LRP3: variants seen among roughly 807,000 people sequenced by gnomAD.
LRP3 encodes the protein LDL receptor related protein 3.
Under a neutral mutation model 58.5 loss-of-function variants are expected in LRP3, and 49 were observed. The observed-to-expected ratio is 0.84, with a 90% CI of 0.67 to 1.06. The LOEUF (loss-of-function observed/expected upper bound fraction) is 1.06. LRP3 is among the 50% of genes least tolerant of loss of function. LRP3 has a pLI of 0.00. For synonymous variants in LRP3, 485 were observed against 492.2 expected, an observed-to-expected ratio of 0.99 and a Z score of 0.20; for missense variants, 1,019 against 1,134.2, an observed-to-expected ratio of 0.90 and a Z score of 1.46.
At position 33,194,800 on chromosome 19, in the gene LRP3, G is replaced by A; in HGVS notation, c.15G>A (p.Ala5=). The A allele has an allele frequency of 9.6e-7, 1 of 1,044,826 alleles. No homozygotes were observed. The highest frequency in any genetic ancestry group is 1.1e-6 in the Non-Finnish European group (1 of 869,796). The allele number at this position is 1,044,826 out of a possible 1,614,324, so 64.7% of individuals were successfully genotyped here. MEKR[A]AAGLEGAPGA... ...CCGGGCCCGGCATGGAGAAGCGCGC[G>A]GCCGCGGGGCTGGAGGGCGCGCCGG... The change falls in exon 1 of 7, where the codon GCG becomes GCA. Residue 5 remains alanine (A), a synonymous_variant. Coordinates refer to ENST00000253193, the MANE Select transcript of LRP3 (RefSeq NM_002333.4).
intron 5 of LRP3, 92 bp downstream of exon 5, chr19:33,206,454 A>G: frequency 6.3e-7 from 1 of 1,594,846 alleles, no homozygotes; most frequent in Non-Finnish European, 8.5e-7. Context: ...GGGGGCCTGG[A>G]CTAGCTACAT....
chr19:33,205,777 T>C lies in LRP3; in HGVS notation c.1007T>C (p.Leu336Pro). ...SYRSNHRPVS[L>P]EAAQGRLTVA... The stretch of plus-strand genomic sequence containing the variant: ...CGCAGCAACCACCGGCCCGTGAGCC[T>C]GGAGGCCGCCCAGGGCCGCCTCACT... Residue 336 changes from leucine (L) to proline (P), a missense_variant, in exon 5 of 7, where the codon CTG (leucine) becomes CCG (proline). Leu to Pro is a moderately conservative substitution (Grantham distance 98, BLOSUM62 -3). Coordinates refer to ENST00000253193, the MANE Select transcript of LRP3 (RefSeq NM_002333.4). The C allele has an allele frequency of 6.3e-7, 1 of 1,588,268 alleles. No homozygotes were observed. Among genetic ancestry groups the C allele is most frequent in the Non-Finnish European group, 8.5e-7 (1 of 1,170,804 alleles).
At position 33,196,779 on chromosome 19, in the gene LRP3, T is replaced by G; in HGVS notation, c.121+2T>G. On this transcript the variant is annotated splice_donor_variant, in intron 2 of 6. Coordinates refer to ENST00000253193, the MANE Select transcript of LRP3 (RefSeq NM_002333.4). LOFTEE classifies it high-confidence loss of function. ...TCAGCAGTGCGGTTCCTGCCTTAGGTAAGTAAGCACTTTCTCTCCTTCCTC... is the reference window on the plus strand; with the variant it reads ...TCAGCAGTGCGGTTCCTGCCTTAGGGAAGTAAGCACTTTCTCTCCTTCCTC... The G allele has an allele frequency of 1.2e-6, 2 of 1,614,054 alleles. No homozygotes were observed. Among genetic ancestry groups the G allele is most frequent in the Non-Finnish European group, 1.7e-6 (2 of 1,179,876 alleles).
intron 2 of LRP3, among the ~76,000 whole-genome samples, chr19:33,198,159 G>A (rs1259927765): frequency 1.3e-5 from 2 of 152,184 alleles, no homozygotes; most frequent in Admixed American, 6.5e-5. Context: ...CCTCCTGCTG[G>A]TGGGTGTGTC....
intron 2 of LRP3, among the ~76,000 whole-genome samples, chr19:33,202,181 T>G (rs562848518): frequency 6.6e-6 from 1 of 152,302 alleles, no homozygotes; most frequent in South Asian, 2.1e-4. Context: ...AAACTCAAAT[T>G]CTGCACAAGG....
At position 33,202,996 on chromosome 19, in the gene LRP3, C is replaced by T. The variant is rs1974357711; in HGVS notation, c.260+10C>T. 1.2e-6 allele frequency: 2 copies of T among 1,611,824 alleles called. No homozygotes were observed. Among genetic ancestry groups the T allele is most frequent in the East Asian group, 2.2e-5 (1 of 44,818 alleles). ...ACATGATTACCATCAGGTAGGGGCA[C>T]CCGGGGGTGTCGGAAGGAATCAATG... On this transcript the variant is annotated intron_variant, in intron 3 of 6. Transcript: ENST00000253193.
At chr19:33,198,403 G>A (rs1454024514) in intron 2 of LRP3, among the ~76,000 whole-genome samples, 1 of 152,168 alleles carries the variant, frequency 6.6e-6, no homozygotes, top group Non-Finnish European at 1.5e-5. Context: ...CATGGGTGGT[G>A]ATCTGGGACC....
At chr19:33,198,443 C>G (rs1443963544) in intron 2 of LRP3, among the ~76,000 whole-genome samples, 1 of 152,154 alleles carries the variant, frequency 6.6e-6, no homozygotes, top group East Asian at 1.9e-4. Flanking sequence ...CTTCTGACAC[C>G]TCCAGCATTA....
chr19:33,204,720 G>A lies in LRP3; in HGVS notation c.343G>A (p.Glu115Lys), dbSNP rs769369442. Residue 115 changes from glutamate to lysine, a missense_variant, in exon 4 of 7, where the codon GAG (glutamate) becomes AAG (lysine). Glu to Lys is a moderately conservative substitution (Grantham distance 56). This residue lies in a region of LRP3 where 592 missense variants were observed against 725.5 expected (regional missense o/e 0.82). Coordinates refer to ENST00000253193, the MANE Select transcript of LRP3 (RefSeq NM_002333.4). ...LLGPAAPPRQ[E>K]AFRLCGSAIP... Reference sequence around the variant, plus strand: ...GGGCCCAGCAGCCCCACCCCGCCAGGAGGCCTTCCGCCTCTGTGGCTCCGC... The same window carrying A: ...GGGCCCAGCAGCCCCACCCCGCCAGAAGGCCTTCCGCCTCTGTGGCTCCGC... 8.7e-6 allele frequency: 14 copies of A among 1,611,180 alleles called. No individual in the cohort carries two copies. The East Asian group carries it at 2.0e-4, about 23-fold the overall frequency.
rs778561340 is a variant in LRP3 at position 33,208,785 on chromosome 19, T to C, written c.*1210T>C. The C allele has an allele frequency of 1.5e-5, 22 of 1,504,506 alleles. No individual in the cohort carries two copies. The highest frequency in any genetic ancestry group is 1.1e-4 in the South Asian group (9 of 84,616). The allele number at this position is 1,504,506 out of a possible 1,614,324, so 93.2% of individuals were successfully genotyped here. A position where few individuals can be genotyped will look rare whatever the true frequency, so the allele number is the denominator to read the frequency against. On this transcript the variant is annotated 3_prime_UTR_variant, in exon 7 of 7. Coordinates refer to ENST00000253193, the MANE Select transcript of LRP3 (RefSeq NM_002333.4). This position sits in a 1 kb window ranked among gnomAD's most constrained non-coding sequence, Gnocchi z 4.7. ...AACAGGCTTCTGAGAGTCGTATCTT[T>C]TTTCTTTTTTTTCCAGAAAAAAACA...
intron 4 of LRP3, 95 bp downstream of exon 4, chr19:33,204,947 C>T (rs1402253411): frequency 3.3e-6 from 4 of 1,203,856 alleles, no homozygotes; most frequent in East Asian, 2.5e-5. Flanking sequence ...CCACAGGGCC[C>T]CGGCTCCCTG....
chr19:33,201,260 C>G (rs573617224), intron 2 of LRP3, among the ~76,000 whole-genome samples: 6 of 152,292 alleles, frequency 3.9e-5, no homozygotes, highest in Middle Eastern at 3.4e-3. Flanking sequence ...GGGGCTATCC[C>G]GGAGGGCTTC....
At chr19:33,204,289 G>A (rs1234915207) in intron 3 of LRP3, 2 of 292,350 alleles carry the variant, frequency 6.8e-6, no homozygotes, top group Non-Finnish European at 1.3e-5. Flanking sequence ...TTTTGGGGAG[G>A]GTGTCGGGGC....
chr19:33,206,457 A>G, intron 5 of LRP3, 95 bp downstream of exon 5: 1 of 1,594,080 alleles, frequency 6.3e-7, no homozygotes, highest in South Asian at 1.1e-5. Flanking sequence ...GGCCTGGACT[A>G]GCTACATGGA....
intron 5 of LRP3, 105 bp from the exon 6 acceptor site, chr19:33,206,496 A>T: frequency 6.3e-7 from 1 of 1,592,084 alleles, no homozygotes. Flanking sequence ...TGGGGTCCCT[A>T]TATCTTGGGG....
At position 33,202,833 on chromosome 19, in the gene LRP3, C is replaced by G. The variant is rs779001818; in HGVS notation, c.122-15C>G. 1.9e-5 allele frequency: 30 copies of G among 1,598,978 alleles called. No homozygotes were observed. Among genetic ancestry groups the G allele is most frequent in the East Asian group, 2.3e-5 (1 of 44,388 alleles). On this transcript the variant is annotated splice_polypyrimidine_tract_variant and intron_variant, in intron 2 of 6. Coordinates refer to ENST00000253193, the MANE Select transcript of LRP3 (RefSeq NM_002333.4). Reference sequence around the variant, plus strand: ...CAAAGATGGGCCGGCCTTTCTCGGCCTCCTCTCCCGACAGCGGCCTGCAGT... The same window carrying G: ...CAAAGATGGGCCGGCCTTTCTCGGCGTCCTCTCCCGACAGCGGCCTGCAGT...
At chr19:33,201,736 C>T (rs772700835) in intron 2 of LRP3, among the ~76,000 whole-genome samples, 1 of 152,084 alleles carries the variant, frequency 6.6e-6, no homozygotes, top group South Asian at 2.1e-4. Flanking sequence ...GATGGACCAG[C>T]GTGGGGAAGG....
Position 33,206,564 on chromosome 19 carries a change from C to T in LRP3, c.1593-37C>T, listed in dbSNP as rs755584780. ...TGTTGTTCCTGCTGCAGGTCCCGGG[C>T]AGCCCAGTCATGTCGCCCTCCGCCC... On this transcript the variant is annotated intron_variant, in intron 5 of 6. Coordinates refer to ENST00000253193, the MANE Select transcript of LRP3 (RefSeq NM_002333.4). 4 of 1,596,236 alleles carry T rather than the reference C, an allele frequency of 2.5e-6. No homozygotes were observed. The African/African-American group carries it at 4.0e-5, about 16-fold the overall frequency.
intron 3 of LRP3, 197 bp from the exon 4 acceptor site, chr19:33,204,441 T>G (rs1278288848): frequency 9.7e-6 from 6 of 615,912 alleles, no homozygotes; most frequent in Admixed American, 5.7e-5. Context: ...CGTGCACACC[T>G]GGATGGGGAC....
Sources: allele counts gnomAD v4.1 joint callset (sites outside exome capture counted in the v4.1 genomes callset), GRCh38; gene constraint gnomAD v4.1.1; regional missense constraint gnomAD v4.1.1; non-coding constraint Gnocchi (gnomAD v3.1); transcripts MANE v1.5; gene names NCBI Gene and HGNC (gene_info 2026-07-23, HGNC 2026-07-21).